PYGL: variants seen among roughly 807,000 people sequenced by gnomAD.
PYGL encodes glycogen phosphorylase L.
In PYGL, 90 loss-of-function variants were observed where a neutral mutation model predicts 100.1. The ratio of observed to expected loss-of-function variants is 0.90; its 90% confidence interval spans 0.76 to 1.07. The LOEUF (loss-of-function observed/expected upper bound fraction) is 1.07. Ranked by LOEUF, PYGL falls within the 50% of genes least tolerant of loss-of-function variation. The pLI, the probability that PYGL is intolerant of heterozygous loss-of-function variation, is 0.00. For missense variants in PYGL, 1,016 were observed against 1,057.6 expected (o/e 0.96, Z 0.55); for synonymous variants, 373 against 393.0 (o/e 0.95, Z 0.60).
chr14:50,927,806 C>G (rs974981766), intron 4 of PYGL, among the ~76,000 whole-genome samples: 3 of 152,110 alleles, frequency 2.0e-5, no homozygotes, highest in Non-Finnish European at 4.4e-5. Flanking sequence ...GAGGAGAGAA[C>G]TATCCCTTGC....
chr14:50,941,600 G>T (rs72685360), intron 1 of PYGL, among the ~76,000 whole-genome samples: 6,767 of 152,274 alleles, frequency 0.044, 207 homozygotes, highest in Middle Eastern at 0.15. Context: ...AAACACAGAG[G>T]CCAGTCGTGG....
chr14:50,931,136 C>T (rs1260271397), intron 4 of PYGL, among the ~76,000 whole-genome samples: 1 of 151,588 alleles, frequency 6.6e-6, no homozygotes, highest in Non-Finnish European at 1.5e-5. Context: ...GTAACCATAG[C>T]ATATTAAAGA....
At chr14:50,916,415 T>C (rs2142797819) in intron 9 of PYGL, among the ~76,000 whole-genome samples, 1 of 152,346 alleles carries the variant, frequency 6.6e-6, no homozygotes, top group South Asian at 2.1e-4. Context: ...AGCCTTAATA[T>C]AGCTATTGAT....
At chr14:50,932,604 T>C (rs566301684) in intron 3 of PYGL, among the ~76,000 whole-genome samples, 4 of 152,358 alleles carry the variant, frequency 2.6e-5, no homozygotes, top group Non-Finnish European at 5.9e-5. Context: ...TCTTGTTATA[T>C]GATAACACAT....
At chr14:50,908,475 G>A in intron 18 of PYGL, 138 bp from the exon 19 acceptor site, 1 of 866,126 alleles carries the variant, frequency 1.2e-6, no homozygotes, top group African/African-American at 1.7e-5. Context: ...CTGTTTGTAA[G>A]ACTTTTAACC....
chr14:50,935,046 C>T (rs1313136046), intron 3 of PYGL, 61 bp downstream of exon 3: 2 of 1,452,024 alleles, frequency 1.4e-6, no homozygotes, highest in Non-Finnish European at 1.9e-6. Flanking sequence ...CATGGTCATG[C>T]ATGGCATCTG....
At chr14:50,909,007 T>C (rs1338700896) in intron 17 of PYGL, 52 bp from the exon 18 acceptor site, 15 of 1,550,310 alleles carry the variant, frequency 9.7e-6, no homozygotes, top group African/African-American at 1.4e-5. Flanking sequence ...TATTGTGTTG[T>C]GTGATTAACA....
chr14:50,918,041 A>C (rs941454489), intron 7 of PYGL, among the ~76,000 whole-genome samples: 2 of 152,254 alleles, frequency 1.3e-5, no homozygotes, highest in Non-Finnish European at 2.9e-5. Flanking sequence ...GACAATTCTC[A>C]AAAGAAGATA....
intron 1 of PYGL, among the ~76,000 whole-genome samples, chr14:50,943,784 G>A (rs1418428246): frequency 2.0e-5 from 3 of 152,174 alleles, no homozygotes; most frequent in Non-Finnish European, 4.4e-5. Context: ...AATAGTGTCC[G>A]GCATACAGGA....
At chr14:50,909,049 A>G in intron 17 of PYGL, 94 bp from the exon 18 acceptor site, 2 of 1,374,308 alleles carry the variant, frequency 1.5e-6, no homozygotes, top group Non-Finnish European at 2.0e-6. Flanking sequence ...CTGTGAAAAA[A>G]TACATTCAGA....
At position 50,937,616 on chromosome 14, in the gene PYGL, T is replaced by A. The variant is rs1301566373; in HGVS notation, c.345+120A>T. On this transcript the variant is annotated intron_variant, in intron 2 of 19. Transcript: ENST00000216392. Reference sequence around the variant, plus strand: ...TTTCTAAAAGTTTGTAATAGCCACATCTATAGAGGCGATTTTTCACTCTTA... The same window carrying A: ...TTTCTAAAAGTTTGTAATAGCCACAACTATAGAGGCGATTTTTCACTCTTA... 1.4e-5 allele frequency: 13 copies of A among 946,198 alleles called. No individual in the cohort carries two copies. In the East Asian group the frequency reaches 1.7e-4, roughly 12 times the overall value. 58.6% of individuals were successfully genotyped at this position (946,198 alleles called of 1,614,324 possible).
At chr14:50,927,021 A>G (rs2050554930) in intron 4 of PYGL, among the ~76,000 whole-genome samples, 1 of 152,148 alleles carries the variant, frequency 6.6e-6, no homozygotes, top group Admixed American at 6.5e-5. Context: ...ACGATGAGGC[A>G]GAAACAGTTT....
rs1951678356 is a variant in PYGL at position 50,944,463 on chromosome 14, G to A, written c.-60C>T. On this transcript the variant is annotated 5_prime_UTR_variant, in exon 1 of 20. Coordinates refer to ENST00000216392, the MANE Select transcript of PYGL (RefSeq NM_002863.5). Reference sequence around the variant, plus strand: ...GAGAGCTGGAAGTGCGGCCGGAGGCGCTGGGCTGCCGGGCAGGGGTGGAGT... The same window carrying A: ...GAGAGCTGGAAGTGCGGCCGGAGGCACTGGGCTGCCGGGCAGGGGTGGAGT... 4 of 1,531,882 alleles carry A rather than the reference G, an allele frequency of 2.6e-6. No homozygotes were observed. Among genetic ancestry groups the A allele is most frequent in the Non-Finnish European group, 3.5e-6 (4 of 1,142,422 alleles). 94.9% of individuals were successfully genotyped at this position (1,531,882 alleles called of 1,614,324 possible).
chr14:50,907,921 C>G (rs563473453), intron 19 of PYGL, among the ~76,000 whole-genome samples: 7 of 150,852 alleles, frequency 4.6e-5, no homozygotes, highest in African/African-American at 1.7e-4. Context: ...TGGCACGTGC[C>G]TATAATCCCA....
At chr14:50,940,002 C>T (rs1015630869) in intron 1 of PYGL, among the ~76,000 whole-genome samples, 1 of 152,202 alleles carries the variant, frequency 6.6e-6, no homozygotes, top group Non-Finnish European at 1.5e-5. Flanking sequence ...CACTGCTTTC[C>T]AGAACACATC....
chr14:50,908,444 T>C (rs2050355532), intron 18 of PYGL, 107 bp from the exon 19 acceptor site: 1 of 1,039,694 alleles, frequency 9.6e-7, no homozygotes, highest in East Asian at 2.5e-5. Flanking sequence ...CAGGCATGGC[T>C]GGTTTACCAA....
intron 16 of PYGL, among the ~76,000 whole-genome samples, chr14:50,910,978 T>TC (rs1331183401): frequency 6.6e-6 from 1 of 152,240 alleles, no homozygotes; most frequent in Non-Finnish European, 1.5e-5. Flanking sequence ...TTCTTTTGCA[T>TC]CCCTAGGAAC....
rs139457400 is a variant in PYGL at position 50,939,938 on chromosome 14, A to C, written c.244-2101T>G. ...CCCATTTTCCTTTTATGAACAATTG[A>C]GTTCTAAATTTCACAACAAATGGTC... On this transcript the variant is annotated intron_variant, in intron 1 of 19. Transcript: ENST00000216392. Among the ~76,000 whole-genome samples, 3 of 152,342 alleles carry C rather than the reference A, an allele frequency of 2.0e-5. No individual in the cohort carries two copies. The East Asian group carries it at 5.8e-4, about 29-fold the overall frequency.
chr14:50,908,817 T>G lies in PYGL; in HGVS notation c.2312+4A>C. The G allele has an allele frequency of 6.4e-7, 1 of 1,561,668 alleles. No individual in the cohort carries two copies. Among genetic ancestry groups the G allele is most frequent in the South Asian group, 1.1e-5 (1 of 90,002 alleles). ...AATAGCACCATCTTCTTATGGGAAC[T>G]CACCTGTCATGATAAAATAGCATGT... On this transcript the variant is annotated splice_donor_region_variant and intron_variant, in intron 18 of 19. Coordinates refer to ENST00000216392, the MANE Select transcript of PYGL (RefSeq NM_002863.5).
Sources: gnomAD v4.1 joint callset for allele counts (sites outside exome capture counted in the v4.1 genomes callset) on GRCh38, gnomAD v4.1.1 for gene constraint, MANE v1.5 for transcripts, NCBI Gene and HGNC (gene_info 2026-07-23, HGNC 2026-07-21) for gene names.